The following UBE2R2 variants were observed in gnomAD, a reference collection of about 807,000 sequenced individuals.
UBE2R2 encodes the protein ubiquitin-conjugating enzyme E2 R2.
A neutral mutation model predicts 27.8 loss-of-function variants in UBE2R2; 1 was observed. The observed-to-expected ratio is 0.04, with a 90% CI of 0.01 to 0.17. The LOEUF is 0.17. Ranked by LOEUF, UBE2R2 falls within the 10% of genes least tolerant of loss-of-function variation. UBE2R2 has a pLI of 1.00. For synonymous variants in UBE2R2, 106 were observed against 113.3 expected, an observed-to-expected ratio of 0.94 and a Z score of 0.41; for missense variants, 100 against 291.0, an observed-to-expected ratio of 0.34 and a Z score of 4.78.
At chr9:33,894,117 C>A (rs1305726785) in intron 2 of UBE2R2, among the ~76,000 whole-genome samples, 2 of 152,046 alleles carry the variant, frequency 1.3e-5, no homozygotes, top group Admixed American at 1.3e-4. Context: ...TACATCCTTA[C>A]CAACACTTGT....
chr9:33,847,520 T>C (rs1186871064), intron 1 of UBE2R2, among the ~76,000 whole-genome samples: 1 of 152,220 alleles, frequency 6.6e-6, no homozygotes, highest in Non-Finnish European at 1.5e-5. Flanking sequence ...TTGATGTGCA[T>C]GGGTGTGGTT....
At chr9:33,840,487 A>T (rs1820707922) in intron 1 of UBE2R2, among the ~76,000 whole-genome samples, 1 of 152,170 alleles carries the variant, frequency 6.6e-6, no homozygotes, top group South Asian at 2.1e-4. Context: ...TACTGATTGT[A>T]CACTCATGTT....
intron 4 of UBE2R2, among the ~76,000 whole-genome samples, chr9:33,916,122 C>G (rs1822635239): frequency 6.6e-6 from 1 of 152,176 alleles, no homozygotes; most frequent in Non-Finnish European, 1.5e-5. Flanking sequence ...GTGGGCAGAT[C>G]ATGAGGCCAG....
At chr9:33,869,405 A>C (rs2244055) in intron 1 of UBE2R2, among the ~76,000 whole-genome samples, 6,051 of 151,140 alleles carry the variant, frequency 0.04, 268 homozygotes, top group African/African-American at 0.099. Flanking sequence ...TTGGTTTTAC[A>C]TAGTTACATA....
intron 4 of UBE2R2, among the ~76,000 whole-genome samples, chr9:33,916,224 T>C (rs1156920119): frequency 6.6e-6 from 1 of 152,004 alleles, no homozygotes; most frequent in Non-Finnish European, 1.5e-5. Flanking sequence ...GCCTGTAATC[T>C]CAGCTACTTG....
At chr9:33,899,900 C>A (rs1011282134) in intron 2 of UBE2R2, among the ~76,000 whole-genome samples, 4 of 151,362 alleles carry the variant, frequency 2.6e-5, no homozygotes, top group Non-Finnish European at 5.9e-5. Flanking sequence ...TTTTAATGTT[C>A]CTAAGTAAAC....
chr9:33,904,707 T>G (rs546838251), intron 3 of UBE2R2, among the ~76,000 whole-genome samples: 1 of 152,198 alleles, frequency 6.6e-6, no homozygotes, highest in Non-Finnish European at 1.5e-5. Flanking sequence ...TGGTGTTCAC[T>G]AAAGGCTCGG....
At chr9:33,820,730 G>T (rs1587420811) in intron 1 of UBE2R2, among the ~76,000 whole-genome samples, 1 of 152,170 alleles carries the variant, frequency 6.6e-6, no homozygotes, top group East Asian at 1.9e-4. Context: ...ATTCGTGAAG[G>T]CAGTGGGACT....
At chr9:33,907,099 A>G (rs1382713682) in intron 3 of UBE2R2, among the ~76,000 whole-genome samples, 5 of 152,232 alleles carry the variant, frequency 3.3e-5, no homozygotes, top group African/African-American at 7.2e-5. Flanking sequence ...CTAGTCTGCA[A>G]TATATATTAT....
chr9:33,901,079 C>T (rs1009729927), intron 3 of UBE2R2, among the ~76,000 whole-genome samples: 6 of 152,160 alleles, frequency 3.9e-5, no homozygotes, highest in Admixed American at 3.3e-4. Context: ...CCTCAGCCTC[C>T]CAAGTAGCTG....
At chr9:33,834,562 C>T (rs1165301619) in intron 1 of UBE2R2, among the ~76,000 whole-genome samples, 1 of 151,974 alleles carries the variant, frequency 6.6e-6, no homozygotes, top group East Asian at 1.9e-4. Flanking sequence ...ACGATATTAG[C>T]TGTTAAATAG....
intron 1 of UBE2R2, among the ~76,000 whole-genome samples, chr9:33,849,849 C>G (rs1329950831): frequency 2.0e-5 from 3 of 152,006 alleles, no homozygotes; most frequent in African/African-American, 7.3e-5. Context: ...GCAACAGAAC[C>G]AGACCCCCTC....
At position 33,886,955 on chromosome 9, in the gene UBE2R2, C is replaced by T; in HGVS notation, c.252C>T (p.Pro84=). The T allele has an allele frequency of 6.3e-7, 1 of 1,599,410 alleles. No individual in the cohort carries two copies. The highest frequency in any genetic ancestry group is 8.5e-7 in the Non-Finnish European group (1 of 1,176,396). Residue 84 remains proline, a synonymous_variant, in exon 2 of 5, where the codon CCC becomes CCT. Transcript: ENST00000263228. The part of the protein sequence containing the change: ...TFRFLTKMWH[P]NIYENGDVCI... ...GATTCTTGACCAAAATGTGGCACCCCAACATTTATGAGGTAAGGAGACATC... is the reference window on the plus strand; with the variant it reads ...GATTCTTGACCAAAATGTGGCACCCTAACATTTATGAGGTAAGGAGACATC...
intron 1 of UBE2R2, among the ~76,000 whole-genome samples, chr9:33,880,452 G>C (rs1366171598): frequency 6.6e-6 from 1 of 151,864 alleles, no homozygotes; most frequent in Non-Finnish European, 1.5e-5. Flanking sequence ...TAGAAAATCA[G>C]AATTTCTAGC....
At chr9:33,823,855 A>G (rs1820231895) in intron 1 of UBE2R2, among the ~76,000 whole-genome samples, 1 of 152,198 alleles carries the variant, frequency 6.6e-6, no homozygotes, top group Admixed American at 6.5e-5. Flanking sequence ...AGGCAACTTA[A>G]AGACAATTTT....
At position 33,817,231 on chromosome 9, in the gene UBE2R2, C is replaced by A. The variant is rs1203713198; in HGVS notation, c.-527C>A. 6.7e-6 allele frequency among the ~76,000 whole-genome samples: 1 copy of A among 150,166 alleles called. No homozygotes were observed. The highest frequency in any genetic ancestry group is 1.5e-5 in the Non-Finnish European group (1 of 67,174). The stretch of plus-strand genomic sequence containing the variant: ...CTCCTCCTCCGCCGTCGCCCCTCCC[C>A]CCGCGCAGCCCCCGCCGCCACCGCC... On this transcript the variant is annotated 5_prime_UTR_variant, in exon 1 of 5. Coordinates refer to ENST00000263228, the MANE Select transcript of UBE2R2 (RefSeq NM_017811.4).
chr9:33,903,216 T>G (rs924535577), intron 3 of UBE2R2, among the ~76,000 whole-genome samples: 5 of 152,210 alleles, frequency 3.3e-5, no homozygotes, highest in African/African-American at 1.2e-4. Context: ...TTAGACAATG[T>G]GTATAAAAGT....
intron 1 of UBE2R2, among the ~76,000 whole-genome samples, chr9:33,858,500 G>A (rs1233099274): frequency 6.6e-6 from 1 of 151,914 alleles, no homozygotes; most frequent in East Asian, 1.9e-4. Context: ...CCACAGCTAC[G>A]ACCTCCCAGG....
At chr9:33,830,382 C>T (rs1406124112) in intron 1 of UBE2R2, among the ~76,000 whole-genome samples, 3 of 148,190 alleles carry the variant, frequency 2.0e-5, no homozygotes, top group Non-Finnish European at 4.5e-5. Flanking sequence ...GTCTCGAACT[C>T]CTGACCTCAT....
Sources: gnomAD v4.1 joint callset for allele counts (sites outside exome capture counted in the v4.1 genomes callset) on GRCh38, gnomAD v4.1.1 for gene constraint, MANE v1.5 for transcripts, NCBI Gene and HGNC (gene_info 2026-07-23, HGNC 2026-07-21) for gene names.